The following ANXA8 variants were observed in gnomAD, a reference collection of about 807,000 sequenced individuals.
ANXA8 encodes the protein annexin A8, also known as VAC-beta.
A neutral mutation model predicts 26.8 loss-of-function variants in ANXA8; 9 were observed. That is an observed-to-expected ratio of 0.34 (90% CI 0.20 to 0.59). The LOEUF is 0.59. ANXA8 is among the 20% of genes least tolerant of loss of function. ANXA8 has a pLI of 0.84. For missense variants in ANXA8, 83 were observed against 238.5 expected, an observed-to-expected ratio of 0.35 and a Z score of 4.29; for synonymous variants, 39 against 94.8, an observed-to-expected ratio of 0.41 and a Z score of 3.42.
At chr10:47,943,575 G>C in the ANXA8 span, among the ~76,000 whole-genome samples, 1 of 149,808 alleles carries the variant, frequency 6.7e-6, no homozygotes, top group African/African-American at 2.5e-5. Context: ...GCCCTCCTGT[G>C]TTCATCCTGA....
the ANXA8 span, among the ~76,000 whole-genome samples, chr10:47,566,589 G>A: frequency 6.8e-6 from 1 of 146,704 alleles, no homozygotes; most frequent in Non-Finnish European, 1.5e-5. Flanking sequence ...GCACCCCGCT[G>A]CCCGTTGCCC....
chr10:47,563,560 T>A, the ANXA8 span: 1 of 844,330 alleles, frequency 1.2e-6, no homozygotes, highest in Non-Finnish European at 2.1e-6. Flanking sequence ...TATATCCCCT[T>A]CTTTCTCACC....
the ANXA8 span, among the ~76,000 whole-genome samples, chr10:47,955,532 C>T: frequency 6.7e-6 from 1 of 150,108 alleles, no homozygotes. Context: ...GTACTGAATA[C>T]TGCAGGCAAC....
chr10:47,658,883 T>G, the ANXA8 span, among the ~76,000 whole-genome samples: 1 of 146,966 alleles, frequency 6.8e-6, no homozygotes, highest in South Asian at 2.1e-4. Flanking sequence ...TATTTATTTA[T>G]TTATTTGAGA....
the ANXA8 span, among the ~76,000 whole-genome samples, chr10:47,744,421 GTT>G: frequency 1.1e-3 from 17 of 15,132 alleles, no homozygotes; most frequent in African/African-American, 3.9e-3. Context: ...TGGGGGGGGG[GTT>G]GGGGGGGAGG....
At position 47,480,849 on chromosome 10, in the gene ANXA8, T is replaced by C. The variant is rs1450857166; in HGVS notation, c.22-961A>G. Among the ~76,000 whole-genome samples, 13 of 70,492 alleles carry C rather than the reference T, an allele frequency of 1.8e-4. 3 individuals carry two copies. In the East Asian group the frequency reaches 0.014, roughly 77 times the overall value. 46.2% of individuals were successfully genotyped at this position (70,492 alleles called of 152,430 possible). ...CCATCCATCCACCCACCCATCCATC[T>C]ATGCACCCGCCCATCCATCCATCCA... is the stretch of plus-strand genomic sequence containing the variant. On this transcript the variant is annotated intron_variant, in intron 1 of 11. Transcript: ENST00000585281.
the ANXA8 span, among the ~76,000 whole-genome samples, chr10:47,500,424 C>G: frequency 4.0e-5 from 6 of 149,378 alleles, no homozygotes; most frequent in Admixed American, 1.3e-4. Context: ...TATCTCTCTA[C>G]ATCTGGAACC....
chr10:47,556,211 C>T, the ANXA8 span, among the ~76,000 whole-genome samples: 2 of 151,812 alleles, frequency 1.3e-5, no homozygotes, highest in African/African-American at 4.8e-5. Flanking sequence ...TCCATCATGC[C>T]CTTGCACAGT....
the ANXA8 span, among the ~76,000 whole-genome samples, chr10:47,733,218 T>TC: frequency 4.1e-3 from 387 of 94,580 alleles, 1 homozygote; most frequent in Middle Eastern, 9.3e-3. Context: ...TCTTTCTTTC[T>TC]TTCTCTTTCT....
chr10:47,925,691 G>A, the ANXA8 span, among the ~76,000 whole-genome samples: 1 of 136,824 alleles, frequency 7.3e-6, no homozygotes, highest in African/African-American at 2.7e-5. Flanking sequence ...AGGATCCCAG[G>A]TTAATTGTGT....
the ANXA8 span, among the ~76,000 whole-genome samples, chr10:47,650,823 C>T: frequency 1.4e-5 from 2 of 145,034 alleles, no homozygotes; most frequent in Non-Finnish European, 3.0e-5. Flanking sequence ...AAAAAAAGGG[C>T]AAAGAATTTG....
chr10:47,483,808 C>A (rs1377914456), intron 1 of ANXA8, 105 bp downstream of exon 1: 1 of 1,610,220 alleles, frequency 6.2e-7, no homozygotes, highest in Non-Finnish European at 8.5e-7. Flanking sequence ...CAAATGTAGA[C>A]TGAGCCACTC....
chr10:47,646,840 G>A, the ANXA8 span, among the ~76,000 whole-genome samples: 48 of 152,014 alleles, frequency 3.2e-4, no homozygotes, highest in Admixed American at 8.5e-4. Flanking sequence ...CAGAAATAAA[G>A]AAAGTAACAA....
the ANXA8 span, among the ~76,000 whole-genome samples, chr10:47,980,339 C>T: frequency 6.6e-6 from 1 of 151,540 alleles, no homozygotes; most frequent in African/African-American, 2.4e-5. Flanking sequence ...ATCTCGATAA[C>T]CCAGACTTCC....
At chr10:47,762,528 C>CGGGCA in the ANXA8 span, 89 of 318,290 alleles carry the variant, frequency 2.8e-4, no homozygotes, top group African/African-American at 1.7e-3. Flanking sequence ...GCGCCGAGGC[C>CGGGCA]GGGCAGGGCA....
intron 11 of ANXA8, among the ~76,000 whole-genome samples, 196 bp from the exon 12 acceptor site, chr10:47,469,102 TTTTGATTC>T (rs1390198794): frequency 4.0e-5 from 6 of 148,600 alleles, no homozygotes; most frequent in Admixed American, 6.7e-5. Context: ...TTACATTTCC[TTTTGATTC>T]TCTTACCAAC....
chr10:47,688,668 C>T, the ANXA8 span, among the ~76,000 whole-genome samples: 2 of 150,988 alleles, frequency 1.3e-5, no homozygotes, highest in Admixed American at 1.3e-4. Context: ...GTGATCCACC[C>T]CCTTGGCCTC....
the ANXA8 span, chr10:47,762,991 A>G: frequency 1.4e-5 from 17 of 1,227,364 alleles, no homozygotes; most frequent in Admixed American, 4.1e-5. Flanking sequence ...GTGCGGTGAG[A>G]GTACCACCCC....
chr10:47,519,482 A>C, the ANXA8 span, among the ~76,000 whole-genome samples: 1 of 127,612 alleles, frequency 7.8e-6, no homozygotes, highest in Non-Finnish European at 1.6e-5. Flanking sequence ...AAAAAAAAAA[A>C]AAAGAGTGTG....
Sources: gnomAD v4.1 joint callset for allele counts (sites outside exome capture counted in the v4.1 genomes callset) on GRCh38, gnomAD v4.1.1 for gene constraint, MANE v1.5 for transcripts, NCBI Gene and HGNC (gene_info 2026-07-23, HGNC 2026-07-21) for gene names.